Variants in ADAMTSL1 observed in about 807,000 individuals in gnomAD.
ADAMTSL1 encodes the protein ADAMTS-like protein 1.
Under a neutral mutation model 201.8 loss-of-function variants are expected in ADAMTSL1, and 126 were observed. The observed-to-expected ratio is 0.62, with a 90% CI of 0.54 to 0.72. The LOEUF (loss-of-function observed/expected upper bound fraction) is 0.72, where lower values mean the gene tolerates loss of function less well. ADAMTSL1 is among the 30% of genes least tolerant of loss of function. The pLI, the probability that ADAMTSL1 is intolerant of heterozygous loss-of-function variation, is 0.00. For synonymous variants in ADAMTSL1, 1,121 were observed against 903.4 expected, an observed-to-expected ratio of 1.24 and a Z score of -4.32; for missense variants, 2,679 against 2,277.8, an observed-to-expected ratio of 1.18 and a Z score of -3.59.
intron 4 of ADAMTSL1, among the ~76,000 whole-genome samples, chr9:18,589,660 T>C (rs534791950): frequency 4.9e-4 from 74 of 152,304 alleles, no homozygotes; most frequent in African/African-American, 1.7e-3. Context: ...CAGGTTTTAG[T>C]GGAAAGGCTT....
chr9:18,718,434 A>C, intron 14 of ADAMTSL1: 1 of 638,604 alleles, frequency 1.6e-6, no homozygotes, highest in Non-Finnish European at 3.0e-6. Flanking sequence ...CATAGGACAT[A>C]TTTTTCAACA....
Position 17,924,788 on chromosome 9 carries a change from G to T in ADAMTSL1, c.87+17866G>T, listed in dbSNP as rs1367695235. Among the ~76,000 whole-genome samples the T allele has an allele frequency of 1.2e-4, 13 of 109,618 alleles. No homozygotes were observed. The South Asian group carries it at 4.4e-3, about 37-fold the overall frequency. The allele number at this position is 109,618 out of a possible 152,430, so 71.9% of individuals were successfully genotyped here. On this transcript the variant is annotated intron_variant, in intron 1 of 29. Transcript: ENST00000680146. ...CTAGGCATTACCATTCAGGACATAG[G>T]CATGGGCAAGGACTTCATGTCCAAA...
At chr9:18,794,688 C>G (rs1006299820) in intron 19 of ADAMTSL1, among the ~76,000 whole-genome samples, 4 of 150,896 alleles carry the variant, frequency 2.7e-5, no homozygotes, top group Non-Finnish European at 5.9e-5. Context: ...AGCTGGAGTA[C>G]AGTGGGGCAA....
intron 2 of ADAMTSL1, among the ~76,000 whole-genome samples, chr9:18,343,564 A>T (rs758271791): frequency 2.6e-5 from 4 of 152,172 alleles, no homozygotes; most frequent in Non-Finnish European, 5.9e-5. Flanking sequence ...AGTCAGTGCA[A>T]TTGAACTAAA....
chr9:18,833,760 G>C (rs530311770), intron 23 of ADAMTSL1, among the ~76,000 whole-genome samples: 8 of 152,196 alleles, frequency 5.3e-5, no homozygotes, highest in African/African-American at 1.7e-4. Context: ...TGAAACCTTT[G>C]CCCATGCCTA....
At chr9:18,722,867 C>A in intron 15 of ADAMTSL1, 1 of 667,660 alleles carries the variant, frequency 1.5e-6, no homozygotes, top group South Asian at 1.7e-5. Flanking sequence ...AGGTCCTGTA[C>A]ATGAAATCCT....
intron 2 of ADAMTSL1, among the ~76,000 whole-genome samples, chr9:18,247,506 A>G (rs1587391605): frequency 6.6e-6 from 1 of 152,246 alleles, no homozygotes; most frequent in East Asian, 1.9e-4. Context: ...AAATAAATAC[A>G]TATCAAATAC....
intron 16 of ADAMTSL1, among the ~76,000 whole-genome samples, chr9:18,756,538 C>T (rs908567084): frequency 2.0e-5 from 3 of 152,158 alleles, no homozygotes; most frequent in Non-Finnish European, 4.4e-5. Flanking sequence ...TTAGTTACGA[C>T]ACCAGCTGTT....
intron 20 of ADAMTSL1, among the ~76,000 whole-genome samples, chr9:18,813,824 T>C (rs892800032): frequency 1.1e-4 from 16 of 152,224 alleles, no homozygotes; most frequent in African/African-American, 3.9e-4. Context: ...AACTAATTGG[T>C]TTGGCTAAGA....
intron 1 of ADAMTSL1, among the ~76,000 whole-genome samples, chr9:17,948,581 C>T (rs760327724): frequency 3.3e-5 from 5 of 152,258 alleles, no homozygotes; most frequent in Admixed American, 1.3e-4. Context: ...ATCTAGGAAA[C>T]AGCGTCAGAT....
intron 1 of ADAMTSL1, among the ~76,000 whole-genome samples, chr9:18,112,519 T>C (rs1825069000): frequency 6.6e-6 from 1 of 151,862 alleles, no homozygotes; most frequent in Non-Finnish European, 1.5e-5. Context: ...ATCTCACTTT[T>C]CCTCGCCTGT....
intron 1 of ADAMTSL1, among the ~76,000 whole-genome samples, chr9:18,474,558 C>T (rs1162785026): frequency 1.3e-5 from 2 of 152,138 alleles, no homozygotes; most frequent in Non-Finnish European, 2.9e-5. Flanking sequence ...AACTTTGGGA[C>T]ATACTGCATG....
At chr9:18,569,538 T>A (rs1226482046) in intron 3 of ADAMTSL1, among the ~76,000 whole-genome samples, 4 of 152,076 alleles carry the variant, frequency 2.6e-5, no homozygotes, top group African/African-American at 4.8e-5. Context: ...AGAAAAAAAG[T>A]CTTAGATTGC....
intron 23 of ADAMTSL1, among the ~76,000 whole-genome samples, chr9:18,844,374 C>A (rs1825943887): frequency 6.6e-6 from 1 of 152,210 alleles, no homozygotes; most frequent in Admixed American, 6.5e-5. Flanking sequence ...GCGAATGCTG[C>A]TGTCTGATCG....
At chr9:18,693,555 T>C (rs1159158007) in intron 13 of ADAMTSL1, among the ~76,000 whole-genome samples, 1 of 152,212 alleles carries the variant, frequency 6.6e-6, no homozygotes, top group Non-Finnish European at 1.5e-5. Flanking sequence ...CAGAAAAATA[T>C]GACTTAGTTT....
intron 1 of ADAMTSL1, among the ~76,000 whole-genome samples, chr9:18,487,511 A>T (rs549703292): frequency 1.3e-5 from 2 of 152,300 alleles, no homozygotes; most frequent in Admixed American, 6.5e-5. Flanking sequence ...AATTGACTGC[A>T]AACAGCATGA....
At chr9:17,987,308 CT>C (rs1292481053) in intron 1 of ADAMTSL1, among the ~76,000 whole-genome samples, 12 of 152,022 alleles carry the variant, frequency 7.9e-5, no homozygotes, top group Non-Finnish European at 1.8e-4. Flanking sequence ...GTTGTAATTA[CT>C]TTTGGAGGGC....
intron 23 of ADAMTSL1, among the ~76,000 whole-genome samples, chr9:18,865,608 A>T (rs886664845): frequency 3.3e-5 from 5 of 152,148 alleles, no homozygotes; most frequent in East Asian, 1.9e-4. Flanking sequence ...GCTATTTTTT[A>T]AAAAATAGAT....
intron 2 of ADAMTSL1, among the ~76,000 whole-genome samples, chr9:18,290,562 G>T (rs990558676): frequency 6.6e-6 from 1 of 151,906 alleles, no homozygotes; most frequent in Non-Finnish European, 1.5e-5. Flanking sequence ...CTCACATGGG[G>T]GCTGTGATGT....
Sources: gnomAD v4.1 joint callset for allele counts (sites outside exome capture counted in the v4.1 genomes callset) on GRCh38, gnomAD v4.1.1 for gene constraint, MANE v1.5 for transcripts, NCBI Gene and HGNC (gene_info 2026-07-23, HGNC 2026-07-21) for gene names.